The following CHRM3 variants were observed in gnomAD, a reference collection of about 807,000 sequenced individuals.
The protein encoded by CHRM3 is muscarinic acetylcholine receptor M3.
Under a neutral mutation model 41.8 loss-of-function variants are expected in CHRM3, and 11 were observed. The ratio of observed to expected loss-of-function variants is 0.26; its 90% CI spans 0.17 to 0.44. The LOEUF (loss-of-function observed/expected upper bound fraction) is 0.44. Among genes scored for constraint, CHRM3 ranks in the 20% least tolerant of loss-of-function variants. CHRM3 has a pLI of 1.00. For synonymous variants in CHRM3, 297 were observed against 301.4 expected, an observed-to-expected ratio of 0.99 and a Z score of 0.15; for missense variants, 571 against 745.4, an observed-to-expected ratio of 0.77 and a Z score of 2.72.
intron 3 of CHRM3, among the ~76,000 whole-genome samples, chr1:239,584,108 CTTTTTTT>C (rs769127124): frequency 4.8e-5 from 6 of 124,412 alleles, no homozygotes; most frequent in Admixed American, 8.2e-5. Flanking sequence ...TCTTCTTCTT[CTTTTTTT>C]TTTTTTTTTT....
intron 5 of CHRM3, among the ~76,000 whole-genome samples, chr1:239,788,594 C>T (rs1057382758): frequency 3.3e-5 from 5 of 151,998 alleles, no homozygotes; most frequent in African/African-American, 9.7e-5. Flanking sequence ...GGTGAAACCC[C>T]ATCTCTACTA....
At chr1:239,618,615 C>A (rs980580387) in intron 3 of CHRM3, among the ~76,000 whole-genome samples, 3 of 151,586 alleles carry the variant, frequency 2.0e-5, no homozygotes, top group African/African-American at 7.3e-5. Context: ...GAGGCCAAGG[C>A]GGTCGGATCA....
At chr1:239,807,498 T>C (rs1670747830) in intron 5 of CHRM3, among the ~76,000 whole-genome samples, 1 of 152,206 alleles carries the variant, frequency 6.6e-6, no homozygotes, top group Non-Finnish European at 1.5e-5. Context: ...AGGGGTTACT[T>C]CCACCAGAAG....
At chr1:239,788,212 C>G (rs4359024) in intron 5 of CHRM3, among the ~76,000 whole-genome samples, 17,735 of 151,666 alleles carry the variant, frequency 0.12, 2,251 homozygotes, top group African/African-American at 0.32. Context: ...CTCCAGCCTG[C>G]CTGGTAGAGT....
intron 5 of CHRM3, among the ~76,000 whole-genome samples, chr1:239,768,911 C>T (rs1208479542): frequency 4.6e-5 from 7 of 152,016 alleles, no homozygotes; most frequent in Admixed American, 1.3e-4. Flanking sequence ...ATTACAGGCA[C>T]GCGCCACCAT....
At chr1:239,664,467 GA>G (rs1488841501) in intron 4 of CHRM3, among the ~76,000 whole-genome samples, 1 of 152,130 alleles carries the variant, frequency 6.6e-6, no homozygotes, top group Non-Finnish European at 1.5e-5. Flanking sequence ...GCAAGATGGA[GA>G]AAACGGTTGC....
At chr1:239,703,510 C>G (rs1209973935) in intron 5 of CHRM3, 1 of 152,044 alleles carries the variant, frequency 6.6e-6, no homozygotes, top group East Asian at 1.9e-4. Flanking sequence ...TTATCCTTTC[C>G]CCAAGACATA....
chr1:239,655,559 G>T (rs1672637046), intron 4 of CHRM3, among the ~76,000 whole-genome samples: 1 of 152,130 alleles, frequency 6.6e-6, no homozygotes, highest in African/African-American at 2.4e-5. Flanking sequence ...ACATATTTTG[G>T]ATAACCTTAT....
chr1:239,902,609 G>A (rs572873489), intron 6 of CHRM3, among the ~76,000 whole-genome samples: 2 of 152,242 alleles, frequency 1.3e-5, no homozygotes, highest in South Asian at 2.1e-4. Context: ...TTTTAGTAGT[G>A]TGCTTTGCTT....
At chr1:239,516,575 T>A (rs1220086867) in intron 2 of CHRM3, among the ~76,000 whole-genome samples, 1 of 152,182 alleles carries the variant, frequency 6.6e-6, no homozygotes, top group African/African-American at 2.4e-5. Context: ...ATAGCAGGCG[T>A]TCACAGCCTC....
intron 1 of CHRM3, among the ~76,000 whole-genome samples, chr1:239,449,516 A>AT (rs1400185546): frequency 2.0e-5 from 3 of 152,108 alleles, no homozygotes; most frequent in Non-Finnish European, 4.4e-5. Flanking sequence ...TTAGAAAATG[A>AT]TTTTTTATAC....
At position 239,571,859 on chromosome 1, in the gene CHRM3, C is replaced by CT. The variant is rs1661857556; in HGVS notation, c.-313+26116dup. On this transcript the variant is annotated intron_variant, in intron 3 of 6. Transcript: ENST00000676153. Reference sequence around the variant, plus strand: ...AATAGATGTGTGGGCATTTTCTTTTCTTTTTTCCCCCTAGAGTTCAACCTC... The same window carrying CT: ...AATAGATGTGTGGGCATTTTCTTTTCTTTTTTTCCCCCTAGAGTTCAACCTC... Among the ~76,000 whole-genome samples the CT allele has an allele frequency of 2.0e-5, 3 of 152,088 alleles. No individual in the cohort carries two copies. The South Asian group carries it at 6.2e-4, about 32-fold the overall frequency.
intron 1 of CHRM3, among the ~76,000 whole-genome samples, chr1:239,405,501 T>C (rs567580827): frequency 1.3e-5 from 2 of 152,154 alleles, no homozygotes; most frequent in Non-Finnish European, 2.9e-5. Context: ...AAGATTAGAA[T>C]AGATGGGTGT....
chr1:239,507,827 A>C (rs1284912569), intron 2 of CHRM3, among the ~76,000 whole-genome samples: 1 of 152,218 alleles, frequency 6.6e-6, no homozygotes. Context: ...GGGGCTTAGG[A>C]TGCCAGAGGG....
At chr1:239,444,031 T>C (rs907596391) in intron 1 of CHRM3, among the ~76,000 whole-genome samples, 4 of 152,182 alleles carry the variant, frequency 2.6e-5, no homozygotes, top group Non-Finnish European at 5.9e-5. Context: ...CTCTTAGTAA[T>C]TGCAGTCACA....
At chr1:239,639,979 G>T (rs1442097730) in intron 4 of CHRM3, among the ~76,000 whole-genome samples, 1 of 151,804 alleles carries the variant, frequency 6.6e-6, no homozygotes, top group African/African-American at 2.4e-5. Flanking sequence ...ATGAAGGGTT[G>T]TTGAATTTTG....
chr1:239,875,005 A>G (rs1376577384), intron 6 of CHRM3, among the ~76,000 whole-genome samples: 2 of 152,086 alleles, frequency 1.3e-5, no homozygotes, highest in Non-Finnish European at 2.9e-5. Flanking sequence ...AGCCGCCATT[A>G]CTTTTAAATG....
At chr1:239,761,080 T>G (rs1180733269) in intron 5 of CHRM3, among the ~76,000 whole-genome samples, 1 of 152,218 alleles carries the variant, frequency 6.6e-6, no homozygotes, top group Non-Finnish European at 1.5e-5. Flanking sequence ...CATTTCTTTC[T>G]GGTCTTTTTT....
intron 5 of CHRM3, among the ~76,000 whole-genome samples, chr1:239,795,594 AT>A (rs1351217319): frequency 6.6e-6 from 1 of 152,164 alleles, no homozygotes; most frequent in Non-Finnish European, 1.5e-5. Flanking sequence ...ACAACTCCCC[AT>A]TTCAGAATAA....
Sources: gnomAD v4.1 joint callset for allele counts (sites outside exome capture counted in the v4.1 genomes callset) on GRCh38, gnomAD v4.1.1 for gene constraint, MANE v1.5 for transcripts, NCBI Gene and HGNC (gene_info 2026-07-23, HGNC 2026-07-21) for gene names.